Variants in DGKG observed in about 807,000 individuals in gnomAD.
DGKG encodes the protein diacylglycerol kinase gamma.
A neutral mutation model predicts 105.3 loss-of-function variants in DGKG; 78 were observed. The observed-to-expected ratio is 0.74, with a 90% confidence interval of 0.62 to 0.89. DGKG has a LOEUF of 0.89. Among genes scored for constraint, DGKG ranks in the 40% least tolerant of loss-of-function variants. The pLI is 0.00. For missense variants in DGKG, 958 were observed against 1,020.1 expected, an observed-to-expected ratio of 0.94 and a Z score of 0.83; for synonymous variants, 346 against 367.1, an observed-to-expected ratio of 0.94 and a Z score of 0.66.
In DGKG at chr3:186,346,655, G is replaced by GCTATACTATACTATA. The variant is rs144977237; in HGVS notation, c.-249+15276_-249+15290dup. Reference sequence around the variant, plus strand: ...GAATAGATTATCCTAGAGTAACTATGCTATACTATACTATACTATACTATA... The same window carrying GCTATACTATACTATA: ...GAATAGATTATCCTAGAGTAACTATGCTATACTATACTATACTATACTATACTATACTATACTATA... On this transcript the variant is annotated intron_variant, in intron 1 of 24. Coordinates refer to ENST00000265022, the MANE Select transcript of DGKG (RefSeq NM_001346.3). Among the ~76,000 whole-genome samples the GCTATACTATACTATA allele has an allele frequency of 4.0e-3, 598 of 151,368 alleles. 2 individuals carry two copies. The highest frequency in any genetic ancestry group is 0.013 in the African/African-American group (515 of 40,980).
At chr3:186,329,687 T>A (rs1454427940) in intron 1 of DGKG, among the ~76,000 whole-genome samples, 1 of 152,244 alleles carries the variant, frequency 6.6e-6, no homozygotes, top group African/African-American at 2.4e-5. Context: ...ACTTGACAAG[T>A]GCCCCATCTC....
intron 1 of DGKG, among the ~76,000 whole-genome samples, chr3:186,338,747 T>C (rs962765464): frequency 2.6e-5 from 4 of 152,222 alleles, no homozygotes; most frequent in Non-Finnish European, 5.9e-5. Flanking sequence ...GGTCTGCTTC[T>C]TTCTATTTTT....
chr3:186,333,950 A>G (rs1011656944), intron 1 of DGKG, among the ~76,000 whole-genome samples: 1 of 152,260 alleles, frequency 6.6e-6, no homozygotes, highest in East Asian at 1.9e-4. Flanking sequence ...TCAGCTTGGT[A>G]AGTTCCCATG....
intron 7 of DGKG, chr3:186,280,983 T>G (rs1264618896): frequency 8.8e-6 from 4 of 454,048 alleles, no homozygotes; most frequent in Non-Finnish European, 1.6e-5. Context: ...AACACTGACT[T>G]CCTCCTGGAC....
chr3:186,148,499 G>A lies in DGKG; in HGVS notation c.*1591C>T, dbSNP rs1715599317. ...GTGTGGGGATATCCCATCCACGCAT[G>A]TGCTGTACGTTTGTTCCTCCCTGGC... is the stretch of plus-strand genomic sequence containing the variant. On this transcript the variant is annotated 3_prime_UTR_variant, in exon 25 of 25. Coordinates refer to ENST00000265022, the MANE Select transcript of DGKG (RefSeq NM_001346.3). The A allele has an allele frequency of 1.0e-6, 1 of 985,456 alleles. No homozygotes were observed. The highest frequency in any genetic ancestry group is 1.2e-6 in the Non-Finnish European group (1 of 829,966). The allele number at this position is 985,456 out of a possible 1,614,324, so 61.0% of individuals were successfully genotyped here.
rs1198158795 is a variant in DGKG at position 186,261,735 on chromosome 3, A to G, written c.1313T>C (p.Leu438Ser). 43 of 1,609,614 alleles carry G rather than the reference A, an allele frequency of 2.7e-5. No individual in the cohort carries two copies. The highest frequency in any genetic ancestry group is 3.6e-5 in the Non-Finnish European group (42 of 1,178,534). ...TCTCCCTCCACTCTTGGGGTTCACC[A>G]AGACCAGCAGGGGGTGGGTACCCGG... ...PTPGTHPLLV[L>S]VNPKSGGRQG... The change falls in exon 15 of 25, where the codon TTG becomes TCG. Residue 438 changes from leucine (L) to serine (S), a missense_variant. Leu to Ser is a moderately radical substitution (Grantham distance 145, BLOSUM62 -2). Coordinates refer to ENST00000265022, the MANE Select transcript of DGKG (RefSeq NM_001346.3).
At position 186,193,239 on chromosome 3, in the gene DGKG, CAGAG is replaced by C. The variant is rs567662181; in HGVS notation, c.1918-4864_1918-4861del. Among the ~76,000 whole-genome samples, 431 of 152,318 alleles carry C rather than the reference CAGAG, an allele frequency of 2.8e-3. 1 individual carries two copies. Among genetic ancestry groups the C allele is most frequent in the African/African-American group, 9.8e-3 (407 of 41,572 alleles). Reference sequence around the variant, plus strand: ...GAACGTGCCTGCCTGGGCTTGAAGGCAGAGAGACATGGGTTTAAATCTTGGCTCT... The same window carrying C: ...GAACGTGCCTGCCTGGGCTTGAAGGCAGACATGGGTTTAAATCTTGGCTCT... On this transcript the variant is annotated intron_variant, in intron 21 of 24. Transcript: ENST00000265022.
intron 24 of DGKG, chr3:186,159,728 C>T (rs1225517425): frequency 2.6e-5 from 4 of 152,116 alleles, no homozygotes; most frequent in African/African-American, 4.8e-5. Context: ...TTTTCTGTTA[C>T]CTTCTGTTAT....
At chr3:186,306,707 G>A (rs1311727048) in intron 3 of DGKG, 194 bp downstream of exon 3, 1 of 574,762 alleles carries the variant, frequency 1.7e-6, no homozygotes, top group African/African-American at 1.9e-5. Context: ...TAGTCTTCTA[G>A]GACAGTGGAA....
In DGKG at chr3:186,147,635, G is replaced by A. The variant is rs1009741881; in HGVS notation, c.*2455C>T. On this transcript the variant is annotated 3_prime_UTR_variant, in exon 25 of 25. Coordinates refer to ENST00000265022, the MANE Select transcript of DGKG (RefSeq NM_001346.3). ...CATTGCAAGTCCTGTGCACTAGGGT[G>A]CAGCAGGTAAGGGCCATTTTCTGCA... is the stretch of plus-strand genomic sequence containing the variant. The A allele has an allele frequency of 2.0e-6, 2 of 985,298 alleles. No homozygotes were observed. Among genetic ancestry groups the A allele is most frequent in the African/African-American group, 1.7e-5 (1 of 57,236 alleles). 61.0% of individuals were successfully genotyped at this position (985,298 alleles called of 1,614,324 possible).
intron 1 of DGKG, among the ~76,000 whole-genome samples, chr3:186,328,945 G>T (rs944507412): frequency 1.3e-5 from 2 of 152,094 alleles, no homozygotes; most frequent in Non-Finnish European, 2.9e-5. Flanking sequence ...TCTCCAGATG[G>T]TATCCCACGT....
rs55753193 is a variant in DGKG at position 186,223,011 on chromosome 3, C to CTATATATATATATATA, written c.1827-11142_1827-11127dup. Among the ~76,000 whole-genome samples the CTATATATATATATATA allele has an allele frequency of 6.6e-3, 535 of 80,454 alleles. 40 individuals carry two copies. The highest frequency in any genetic ancestry group is 0.02 in the East Asian group (19 of 960). 52.8% of individuals were successfully genotyped at this position (80,454 alleles called of 152,430 possible). A position where few individuals can be genotyped will look rare whatever the true frequency, so the allele number is the denominator to read the frequency against. ...AAGAATACACACACGTGTATGTATA[C>CTATATATATATATATA]TATATATATATATATATATATATGT... On this transcript the variant is annotated intron_variant, in intron 20 of 24. Coordinates refer to ENST00000265022, the MANE Select transcript of DGKG (RefSeq NM_001346.3).
chr3:186,263,158 ACAAAAAACAC>A (rs1560121802), intron 14 of DGKG, among the ~76,000 whole-genome samples: 8 of 148,140 alleles, frequency 5.4e-5, no homozygotes, highest in African/African-American at 2.0e-4. Context: ...AAACAAACAA[ACAAAAAACAC>A]CACCACCACC....
chr3:186,279,839 T>C lies in DGKG; in HGVS notation c.792+12A>G, dbSNP rs985541930. 7 of 1,612,046 alleles carry C rather than the reference T, an allele frequency of 4.3e-6. No individual in the cohort carries two copies. The highest frequency in any genetic ancestry group is 2.2e-5 in the East Asian group (1 of 44,824). ...TGGCAAGAGATCTCTGAACTCCAGC[T>C]TGTTGACTTACAGAGTCATCCATCC... is the stretch of plus-strand genomic sequence containing the variant. On this transcript the variant is annotated intron_variant, in intron 9 of 24. Coordinates refer to ENST00000265022, the MANE Select transcript of DGKG (RefSeq NM_001346.3).
At chr3:186,232,852 T>G (rs1560106690) in intron 20 of DGKG, among the ~76,000 whole-genome samples, 4 of 152,234 alleles carry the variant, frequency 2.6e-5, no homozygotes, top group African/African-American at 7.2e-5. Context: ...ATCACCAAAA[T>G]TCAGAGTCTT....
intron 1 of DGKG, among the ~76,000 whole-genome samples, chr3:186,326,110 T>C (rs1725328933): frequency 1.3e-5 from 2 of 152,144 alleles, no homozygotes; most frequent in South Asian, 4.1e-4. Flanking sequence ...TAGATGCGTG[T>C]GCTGGGCGTG....
At chr3:186,219,939 G>T (rs184253879) in intron 20 of DGKG, among the ~76,000 whole-genome samples, 313 of 152,306 alleles carry the variant, frequency 2.1e-3, no homozygotes, top group Non-Finnish European at 3.7e-3. Context: ...TTATAGCCAG[G>T]GGATCACAGG....
chr3:186,293,967 A>T (rs945707445), intron 5 of DGKG, among the ~76,000 whole-genome samples: 1 of 152,198 alleles, frequency 6.6e-6, no homozygotes, highest in Admixed American at 6.5e-5. Context: ...AAAAGAAGAT[A>T]AAAAAATGCT....
At chr3:186,200,424 T>C (rs1718395172) in intron 21 of DGKG, among the ~76,000 whole-genome samples, 1 of 152,224 alleles carries the variant, frequency 6.6e-6, no homozygotes, top group African/African-American at 2.4e-5. Context: ...GGAAGAACTT[T>C]CTGAAGATCA....
Sources: allele counts gnomAD v4.1 joint callset (sites outside exome capture counted in the v4.1 genomes callset), GRCh38; gene constraint gnomAD v4.1.1; transcripts MANE v1.5; gene names NCBI Gene and HGNC (gene_info 2026-07-23, HGNC 2026-07-21).